The following THRB variants were observed in gnomAD, a reference collection of about 807,000 sequenced individuals.
THRB encodes the protein nuclear receptor subfamily 1 group A member 2.
In THRB, 12 loss-of-function variants were observed where a neutral mutation model predicts 47.8. The ratio of observed to expected loss-of-function variants is 0.25; its 90% CI spans 0.16 to 0.41. The LOEUF (loss-of-function observed/expected upper bound fraction) is 0.41, where lower values mean the gene tolerates loss of function less well. Among genes scored for constraint, THRB ranks in the 10% least tolerant of loss-of-function variants. THRB has a pLI of 1.00. For missense variants in THRB, 348 were observed against 589.2 expected (o/e 0.59, Z 4.24); for synonymous variants, 218 against 212.2 (o/e 1.03, Z -0.24).
At chr3:24,359,520 C>G (rs1008312077) in intron 1 of THRB, among the ~76,000 whole-genome samples, 2 of 152,046 alleles carry the variant, frequency 1.3e-5, no homozygotes, top group African/African-American at 4.8e-5. Flanking sequence ...GGGATATAGA[C>G]CTTTATCTCT....
intron 1 of THRB, among the ~76,000 whole-genome samples, chr3:24,417,400 T>C (rs981398965): frequency 6.6e-6 from 1 of 151,910 alleles, no homozygotes; most frequent in Non-Finnish European, 1.5e-5. Context: ...AATTTTAAAA[T>C]ATCATTGAAG....
intron 4 of THRB, among the ~76,000 whole-genome samples, chr3:24,206,889 A>G (rs943662407): frequency 2.6e-5 from 4 of 152,210 alleles, no homozygotes; most frequent in African/African-American, 9.7e-5. Flanking sequence ...AATAAACTAG[A>G]AAATCTAGAA....
intron 1 of THRB, among the ~76,000 whole-genome samples, chr3:24,397,018 G>A (rs934152649): frequency 5.9e-5 from 9 of 151,996 alleles, no homozygotes; most frequent in Admixed American, 6.6e-5. Context: ...TGTGACTTAA[G>A]AAATGAAAAC....
At chr3:24,169,398 G>T (rs1312869072) in intron 5 of THRB, among the ~76,000 whole-genome samples, 2 of 152,054 alleles carry the variant, frequency 1.3e-5, no homozygotes, top group Non-Finnish European at 2.9e-5. Flanking sequence ...TGAGAGTGAG[G>T]ACTATACTCT....
rs990987205 is a variant in THRB, at chr3:24,122,035, A to T, written c.*849T>A. ...GATGACAGATCAGATGCCACAGAAA[A>T]GGGGTGCCACCCTGTAAATAGGTTT... On this transcript the variant is annotated 3_prime_UTR_variant, in exon 11 of 11. Transcript: ENST00000646209. 3 of 152,668 alleles carry T rather than the reference A, an allele frequency of 2.0e-5. No homozygotes were observed. Among genetic ancestry groups the T allele is most frequent in the African/African-American group, 7.2e-5 (3 of 41,462 alleles). The allele number at this position is 152,668 out of a possible 1,614,324, so 9.5% of individuals were successfully genotyped here. A position where few individuals can be genotyped will look rare whatever the true frequency, so the allele number is the denominator to read the frequency against.
chr3:24,302,211 C>A (rs2056992657), intron 2 of THRB, among the ~76,000 whole-genome samples: 1 of 152,196 alleles, frequency 6.6e-6, no homozygotes, highest in African/African-American at 2.4e-5. Context: ...TAGATGTACC[C>A]TCCATTCTGT....
chr3:24,360,580 C>G (rs576816652), intron 1 of THRB, among the ~76,000 whole-genome samples: 1 of 152,160 alleles, frequency 6.6e-6, no homozygotes, highest in Non-Finnish European at 1.5e-5. Context: ...TTTAAAAATG[C>G]TAATGCCTGA....
chr3:24,188,942 C>A (rs969246660), intron 5 of THRB, among the ~76,000 whole-genome samples: 1 of 144,334 alleles, frequency 6.9e-6, no homozygotes, highest in Admixed American at 7.0e-5. Flanking sequence ...GTTTTGACTG[C>A]ACTCAAATCA....
At chr3:24,388,381 T>C (rs1457199520) in intron 1 of THRB, among the ~76,000 whole-genome samples, 1 of 152,152 alleles carries the variant, frequency 6.6e-6, no homozygotes, top group Admixed American at 6.6e-5. Context: ...GTAAACCTCC[T>C]GCTTACTACA....
At chr3:24,278,387 C>A (rs993990696) in intron 3 of THRB, among the ~76,000 whole-genome samples, 7 of 152,228 alleles carry the variant, frequency 4.6e-5, no homozygotes, top group Admixed American at 3.9e-4. Flanking sequence ...TATTAAAAAT[C>A]AGGCAGATTT....
At chr3:24,167,688 G>A (rs185994558) in intron 5 of THRB, among the ~76,000 whole-genome samples, 8 of 152,162 alleles carry the variant, frequency 5.3e-5, no homozygotes, top group Non-Finnish European at 2.9e-5. Context: ...GAATCCATTC[G>A]ATTTTGCAGT....
At chr3:24,312,982 G>A (rs911087400) in intron 2 of THRB, among the ~76,000 whole-genome samples, 1 of 152,156 alleles carries the variant, frequency 6.6e-6, no homozygotes, top group African/African-American at 2.4e-5. Context: ...AAATGGAGAT[G>A]GTGGGAGTGT....
intron 3 of THRB, among the ~76,000 whole-genome samples, chr3:24,273,000 C>T (rs552478024): frequency 2.0e-4 from 31 of 152,218 alleles, no homozygotes; most frequent in Middle Eastern, 6.8e-3. Flanking sequence ...TCAGATACCT[C>T]AGTATATGAC....
chr3:24,428,334 A>G (rs998857899), intron 1 of THRB, among the ~76,000 whole-genome samples: 4 of 152,054 alleles, frequency 2.6e-5, no homozygotes, highest in African/African-American at 9.7e-5. Flanking sequence ...TTTCAGAGCC[A>G]TCCTACAGAG....
chr3:24,323,369 G>A (rs1369169316), intron 2 of THRB, among the ~76,000 whole-genome samples: 1 of 152,150 alleles, frequency 6.6e-6, no homozygotes, highest in Non-Finnish European at 1.5e-5. Flanking sequence ...TCTTAGGGAG[G>A]AACAACCATC....
At chr3:24,410,432 G>T (rs2068193762) in intron 1 of THRB, among the ~76,000 whole-genome samples, 1 of 151,770 alleles carries the variant, frequency 6.6e-6, no homozygotes, top group Non-Finnish European at 1.5e-5. Flanking sequence ...TAGATGCAGA[G>T]AGCCGTATTT....
In THRB at chr3:24,193,865, C is replaced by G. The variant is rs574739382; in HGVS notation, c.23-3531G>C. Among the ~76,000 whole-genome samples, 3 of 152,268 alleles carry G rather than the reference C, an allele frequency of 2.0e-5. No homozygotes were observed. The South Asian group carries it at 6.2e-4, about 32-fold the overall frequency. On this transcript the variant is annotated intron_variant, in intron 4 of 10. Coordinates refer to ENST00000646209, the MANE Select transcript of THRB (RefSeq NM_001354712.2). The stretch of plus-strand genomic sequence containing the variant: ...AATTGCAATTGCAAAAATATGGAAC[C>G]AGCCCAAATGCCCATCAATCAACTC...
intron 1 of THRB, among the ~76,000 whole-genome samples, chr3:24,340,416 C>G (rs1460121015): frequency 6.6e-6 from 1 of 151,818 alleles, no homozygotes; most frequent in African/African-American, 2.4e-5. Context: ...CTCTCTCTCT[C>G]TCTCTCATCT....
intron 6 of THRB, among the ~76,000 whole-genome samples, chr3:24,151,687 A>C (rs1164794861): frequency 6.6e-6 from 1 of 152,146 alleles, no homozygotes; most frequent in Non-Finnish European, 1.5e-5. Flanking sequence ...TTTTCCAGAA[A>C]CCTTATCTGA....
Sources: allele counts gnomAD v4.1 joint callset (sites outside exome capture counted in the v4.1 genomes callset), GRCh38; gene constraint gnomAD v4.1.1; transcripts MANE v1.5; gene names NCBI Gene and HGNC (gene_info 2026-07-23, HGNC 2026-07-21).